Variants in TAFA1 observed in about 807,000 individuals in gnomAD.
TAFA1 encodes the protein TAFA chemokine like family member 1.
Under a neutral mutation model 18.5 loss-of-function variants are expected in TAFA1, and 4 were observed. That is an observed-to-expected ratio of 0.22 (90% CI 0.11 to 0.49). The LOEUF is 0.49. Among genes scored for constraint, TAFA1 ranks in the 20% least tolerant of loss-of-function variants. The probability of loss-of-function intolerance (pLI) is 0.98; values close to 1 mark genes in which losing one functional copy is unlikely to be tolerated. For missense variants in TAFA1, 147 were observed against 169.0 expected (o/e 0.87, Z 0.72); for synonymous variants, 56 against 55.2 (o/e 1.01, Z -0.06).
intron 3 of TAFA1, among the ~76,000 whole-genome samples, chr3:68,497,510 C>T (rs1420166137): frequency 2.0e-5 from 3 of 152,150 alleles, no homozygotes; most frequent in South Asian, 2.1e-4. Context: ...AGAAATATGT[C>T]AGTTGGGAGG....
chr3:68,345,466 A>G (rs2069150414), intron 2 of TAFA1, among the ~76,000 whole-genome samples: 1 of 152,200 alleles, frequency 6.6e-6, no homozygotes, highest in East Asian at 1.9e-4. Flanking sequence ...TTTACACAGG[A>G]AAATCCTCTG....
chr3:68,337,857 G>C (rs369103894), intron 2 of TAFA1, among the ~76,000 whole-genome samples: 1 of 152,122 alleles, frequency 6.6e-6, no homozygotes, highest in Non-Finnish European at 1.5e-5. Context: ...TCCATTTGCC[G>C]ATCTTCTCTC....
At chr3:68,059,341 T>C (rs2064574150) in intron 2 of TAFA1, among the ~76,000 whole-genome samples, 1 of 152,084 alleles carries the variant, frequency 6.6e-6, no homozygotes, top group Non-Finnish European at 1.5e-5. Context: ...CCCTGGAAAG[T>C]AGATTCTATT....
chr3:68,141,743 A>G (rs1366482058), intron 2 of TAFA1, among the ~76,000 whole-genome samples: 4 of 152,228 alleles, frequency 2.6e-5, no homozygotes, highest in African/African-American at 9.6e-5. Context: ...AGCAAGGCCA[A>G]ACATTGAAAG....
intron 3 of TAFA1, among the ~76,000 whole-genome samples, chr3:68,447,667 A>C (rs1444827069): frequency 6.6e-6 from 1 of 152,224 alleles, no homozygotes; most frequent in African/African-American, 2.4e-5. Context: ...TGTAACTAAA[A>C]ACCATAGGAA....
At chr3:68,144,102 A>G (rs544470087) in intron 2 of TAFA1, among the ~76,000 whole-genome samples, 1 of 152,148 alleles carries the variant, frequency 6.6e-6, no homozygotes, top group Non-Finnish European at 1.5e-5. Context: ...CCGTGGGAAA[A>G]TAACTTTCTG....
At chr3:68,233,026 G>A (rs1397253965) in intron 2 of TAFA1, among the ~76,000 whole-genome samples, 1 of 151,926 alleles carries the variant, frequency 6.6e-6, no homozygotes, top group Non-Finnish European at 1.5e-5. Context: ...GTTAATTTTT[G>A]TCTTTTTGAT....
At chr3:68,345,810 T>G (rs1008060214) in intron 2 of TAFA1, among the ~76,000 whole-genome samples, 1 of 152,184 alleles carries the variant, frequency 6.6e-6, no homozygotes, top group Admixed American at 6.5e-5. Context: ...TTATACCATA[T>G]TTTTTGAGAT....
At chr3:68,130,464 A>G (rs1463231149) in intron 2 of TAFA1, among the ~76,000 whole-genome samples, 1 of 152,128 alleles carries the variant, frequency 6.6e-6, no homozygotes, top group Non-Finnish European at 1.5e-5. Flanking sequence ...CAGTCTCCCA[A>G]TTAGTTTCCT....
intron 2 of TAFA1, among the ~76,000 whole-genome samples, chr3:68,124,599 AC>A (rs2065442136): frequency 6.6e-6 from 1 of 152,210 alleles, no homozygotes; most frequent in Admixed American, 6.5e-5. Context: ...CCAGTGCTCT[AC>A]TATGTTATTT....
intron 4 of TAFA1, among the ~76,000 whole-genome samples, chr3:68,541,157 A>G (rs1053608941): frequency 3.9e-5 from 6 of 152,234 alleles, no homozygotes; most frequent in African/African-American, 1.4e-4. Flanking sequence ...TCAGCTGAGA[A>G]TTCTCAAGTC....
At chr3:68,310,504 T>C (rs1288635689) in intron 2 of TAFA1, among the ~76,000 whole-genome samples, 1 of 152,178 alleles carries the variant, frequency 6.6e-6, no homozygotes, top group African/African-American at 2.4e-5. Context: ...CTATATTCCT[T>C]GGTAAATTTC....
intron 2 of TAFA1, among the ~76,000 whole-genome samples, chr3:68,209,905 T>C (rs1404491299): frequency 6.6e-6 from 1 of 151,998 alleles, no homozygotes; most frequent in East Asian, 1.9e-4. Flanking sequence ...GTGGAGCCCG[T>C]AGTAGCTGAA....
chr3:68,485,083 T>C (rs77910747), intron 3 of TAFA1, among the ~76,000 whole-genome samples: 2,181 of 152,288 alleles, frequency 0.014, 65 homozygotes, highest in African/African-American at 0.049. Flanking sequence ...AAAGTAGCAA[T>C]GAAAAGGTTC....
At chr3:68,360,828 A>T (rs925646690) in intron 2 of TAFA1, among the ~76,000 whole-genome samples, 1 of 152,038 alleles carries the variant, frequency 6.6e-6, no homozygotes, top group Non-Finnish European at 1.5e-5. Flanking sequence ...CCATGAAAAA[A>T]GTTTGGTACT....
chr3:68,234,045 C>T (rs565711150), intron 2 of TAFA1, among the ~76,000 whole-genome samples: 6 of 152,152 alleles, frequency 3.9e-5, no homozygotes, highest in African/African-American at 1.2e-4. Context: ...TGCTGAGTCT[C>T]GCTTTGCTGA....
At chr3:68,114,221 A>G (rs2065299354) in intron 2 of TAFA1, among the ~76,000 whole-genome samples, 1 of 152,086 alleles carries the variant, frequency 6.6e-6, no homozygotes, top group African/African-American at 2.4e-5. Flanking sequence ...GCCCCATCCT[A>G]AGCTGGCCAA....
At chr3:68,153,567 C>T (rs962310047) in intron 2 of TAFA1, among the ~76,000 whole-genome samples, 5 of 152,118 alleles carry the variant, frequency 3.3e-5, no homozygotes, top group East Asian at 3.9e-4. Flanking sequence ...CTCACAGACT[C>T]GTTTTATTTT....
intron 2 of TAFA1, among the ~76,000 whole-genome samples, chr3:68,334,391 G>A (rs561497406): frequency 6.6e-6 from 1 of 152,240 alleles, no homozygotes; most frequent in African/African-American, 2.4e-5. Flanking sequence ...GTCGATTTGT[G>A]AAACAGCTTT....
Sources: allele counts gnomAD v4.1 joint callset (sites outside exome capture counted in the v4.1 genomes callset), GRCh38; gene constraint gnomAD v4.1.1; transcripts MANE v1.5; gene names NCBI Gene and HGNC (gene_info 2026-07-23, HGNC 2026-07-21).